Variants in HSF2 observed in about 807,000 individuals in gnomAD.
The protein encoded by HSF2 is heat shock factor protein 2.
In HSF2, 21 loss-of-function variants were observed where a neutral mutation model predicts 65.0. The ratio of observed to expected loss-of-function variants is 0.32; its 90% CI spans 0.23 to 0.47. HSF2 has a LOEUF of 0.47. Among genes scored for constraint, HSF2 ranks in the 20% least tolerant of loss-of-function variants. The pLI is 1.00. For synonymous variants in HSF2, 225 were observed against 219.1 expected (o/e 1.03, Z -0.24); for missense variants, 499 against 628.1 (o/e 0.79, Z 2.20).
chr6:122,420,870 CT>C (rs1774220825), intron 7 of HSF2, among the ~76,000 whole-genome samples: 2 of 151,068 alleles, frequency 1.3e-5, no homozygotes, highest in African/African-American at 4.9e-5. Flanking sequence ...TGCCACCACA[CT>C]TGGATAATTT....
chr6:122,412,977 C>G (rs1414053239), intron 3 of HSF2, among the ~76,000 whole-genome samples: 1 of 151,546 alleles, frequency 6.6e-6, no homozygotes, highest in Non-Finnish European at 1.5e-5. Flanking sequence ...TATGAGCTCC[C>G]TGGAAGACTT....
chr6:122,403,914 G>C (rs1773800873), intron 1 of HSF2, among the ~76,000 whole-genome samples: 1 of 152,162 alleles, frequency 6.6e-6, no homozygotes. Flanking sequence ...GTTAAATGAA[G>C]TTATATAGTA....
intron 8 of HSF2, 147 bp downstream of exon 8, chr6:122,422,445 A>G: frequency 5.4e-6 from 4 of 735,114 alleles, no homozygotes; most frequent in Non-Finnish European, 6.8e-6. Flanking sequence ...AAATTATTCA[A>G]CCAGATAAAA....
chr6:122,399,569 G>C, upstream of HSF2: 1 of 581,368 alleles, frequency 1.7e-6, no homozygotes, highest in East Asian at 3.1e-5. Flanking sequence ...GTCACGTGCG[G>C]CCGCCCGGCC....
At position 122,411,247 on chromosome 6, in the gene HSF2, A is replaced by G. The variant is rs796815865; in HGVS notation, c.94-1126A>G. 4.1e-4 allele frequency among the ~76,000 whole-genome samples: 62 copies of G among 151,706 alleles called. 1 individual carries two copies. Among genetic ancestry groups the G allele is most frequent in the African/African-American group, 1.3e-3 (54 of 41,476 alleles). On this transcript the variant is annotated intron_variant, in intron 1 of 12. Transcript: ENST00000368455. ...TTTTATTTGCTTATTGGAAGTTTGT[A>G]TATCTTCTTTGAAGAAATATCTACT...
chr6:122,403,087 T>C (rs1490840630), intron 1 of HSF2, among the ~76,000 whole-genome samples: 2 of 152,120 alleles, frequency 1.3e-5, no homozygotes, highest in Non-Finnish European at 2.9e-5. Context: ...CTCTTACCAA[T>C]TGCGTTTTGG....
In HSF2 at chr6:122,399,763, C is replaced by T. The variant is rs1773673412; in HGVS notation, c.26C>T (p.Ala9Val). The change falls in exon 1 of 13, where the codon GCT becomes GTT. Residue 9 changes from alanine (A) to valine (V), a missense_variant. This residue lies in a region of HSF2 where 150 missense variants were observed against 234.6 expected (regional missense o/e 0.64). Transcript: ENST00000368455. The part of the protein sequence containing the change: MKQSSNVP[A>V]FLSKLWTLVE... Reference sequence around the variant, plus strand: ...ATGAAGCAGAGTTCGAACGTGCCGGCTTTCCTCAGCAAGCTGTGGACGCTT... The same window carrying T: ...ATGAAGCAGAGTTCGAACGTGCCGGTTTTCCTCAGCAAGCTGTGGACGCTT... The T allele has an allele frequency of 1.2e-6, 2 of 1,612,584 alleles. No homozygotes were observed. Among genetic ancestry groups the T allele is most frequent in the Non-Finnish European group, 1.7e-6 (2 of 1,179,452 alleles).
At chr6:122,401,255 TTAAAA>T (rs1327124403) in intron 1 of HSF2, among the ~76,000 whole-genome samples, 7 of 152,310 alleles carry the variant, frequency 4.6e-5, no homozygotes, top group African/African-American at 9.6e-5. Flanking sequence ...TAGCATGTAC[TTAAAA>T]TAAACACATG....
chr6:122,399,942 G>T (rs1773681368), intron 1 of HSF2, 112 bp downstream of exon 1: 1 of 806,984 alleles, frequency 1.2e-6, no homozygotes, highest in Non-Finnish European at 2.1e-6. Context: ...TGCGAGGCCC[G>T]CGGTGCGGGG....
rs370846694 is a variant in HSF2 at position 122,420,094 on chromosome 6, T to C, written c.594-41T>C. The C allele has an allele frequency of 5.8e-4, 902 of 1,559,760 alleles. 1 individual carries two copies. The highest frequency in any genetic ancestry group is 7.2e-4 in the Non-Finnish European group (832 of 1,156,448). On this transcript the variant is annotated intron_variant, in intron 6 of 12. Coordinates refer to ENST00000368455, the MANE Select transcript of HSF2 (RefSeq NM_004506.4). ...TAATAGAGGGAGTTTAAATTCATTG[T>C]ATGTTTGCTTCACTGAACTGCATAT...
At position 122,422,937 on chromosome 6, in the gene HSF2, T is replaced by G. The variant is rs764237873; in HGVS notation, c.1050T>G (p.Asp350Glu). 12 of 1,613,506 alleles carry G rather than the reference T, an allele frequency of 7.4e-6. No individual in the cohort carries two copies. Among genetic ancestry groups the G allele is most frequent in the Non-Finnish European group, 8.5e-6 (10 of 1,179,604 alleles). ...CCATGATGGATTCCATTTTGAATGATAACATCAATCTTTTGGGAAAGTGAG... is the reference window on the plus strand; with the variant it reads ...CCATGATGGATTCCATTTTGAATGAGAACATCAATCTTTTGGGAAAGTGAG... ...PVTMMDSILNDNINLLGKVEL... is the reference protein window; with the variant it reads ...PVTMMDSILNENINLLGKVEL... Residue 350 changes from aspartate (D) to glutamate (E), a missense_variant, in exon 9 of 13, where the codon GAT becomes GAG. Physicochemically the swap from Asp to Glu is conservative, Grantham distance 45. Transcript: ENST00000368455.
intron 9 of HSF2, 53 bp downstream of exon 9, chr6:122,423,010 C>T (rs1582618508): frequency 6.3e-7 from 1 of 1,587,258 alleles, no homozygotes; most frequent in East Asian, 2.2e-5. Flanking sequence ...TTGTTCACTT[C>T]ACATGTTCTG....
At chr6:122,424,759 T>C (rs1774304554) in intron 10 of HSF2, among the ~76,000 whole-genome samples, 1 of 152,088 alleles carries the variant, frequency 6.6e-6, no homozygotes. Context: ...CTATCAGCCT[T>C]TCTCCCTTCT....
chr6:122,414,563 T>C (rs922068247), intron 4 of HSF2, among the ~76,000 whole-genome samples: 2 of 152,212 alleles, frequency 1.3e-5, no homozygotes, highest in Non-Finnish European at 2.9e-5. Flanking sequence ...TTTCAGCCTT[T>C]AAAGAAAGTG....
At chr6:122,425,409 A>C (rs1774318159) in intron 10 of HSF2, among the ~76,000 whole-genome samples, 2 of 151,992 alleles carry the variant, frequency 1.3e-5, no homozygotes, top group Non-Finnish European at 2.9e-5. Context: ...GAATCAGACA[A>C]ATTTGGGTTC....
intron 1 of HSF2, among the ~76,000 whole-genome samples, chr6:122,406,666 AATG>A (rs1304698028): frequency 1.3e-5 from 2 of 152,218 alleles, no homozygotes; most frequent in African/African-American, 4.8e-5. Flanking sequence ...GACAATTAAA[AATG>A]ATTCATAAAT....
chr6:122,422,976 G>A lies in HSF2; in HGVS notation c.1070+19G>A. ...TGGGAAAGTGAGTGCTTATCTAGAT[G>A]TTGTCTAAAATTATTTGCTTTCTTT... On this transcript the variant is annotated intron_variant, in intron 9 of 12. Transcript: ENST00000368455. The A allele has an allele frequency of 6.2e-7, 1 of 1,611,878 alleles. No homozygotes were observed. The highest frequency in any genetic ancestry group is 8.5e-7 in the Non-Finnish European group (1 of 1,178,332).
chr6:122,420,738 A>ATTTTTTT (rs1562203810), intron 7 of HSF2, among the ~76,000 whole-genome samples: 7 of 84,296 alleles, frequency 8.3e-5, no homozygotes, highest in East Asian at 3.4e-4. Context: ...TTGAGATGGG[A>ATTTTTTT]TTTCACTCTG....
At chr6:122,419,342 A>G (rs1227380736) in intron 6 of HSF2, 113 bp downstream of exon 6, 2 of 539,860 alleles carry the variant, frequency 3.7e-6, no homozygotes, top group Non-Finnish European at 6.7e-6. Flanking sequence ...CAAAAAGAAC[A>G]ATTCTCCTTT....
Sources: gnomAD v4.1 joint callset for allele counts (sites outside exome capture counted in the v4.1 genomes callset) on GRCh38, gnomAD v4.1.1 for gene constraint, gnomAD v4.1.1 regional missense constraint, MANE v1.5 for transcripts, NCBI Gene and HGNC (gene_info 2026-07-23, HGNC 2026-07-21) for gene names.